ZCCHC7: variants seen among roughly 807,000 people sequenced by gnomAD.
ZCCHC7 encodes the protein zinc finger CCHC domain-containing protein 7.
In ZCCHC7, 35 loss-of-function variants were observed where a neutral mutation model predicts 52.0. That is an observed-to-expected ratio of 0.67 (90% CI 0.51 to 0.89). The LOEUF (loss-of-function observed/expected upper bound fraction) is 0.89. ZCCHC7 is among the 40% of genes least tolerant of loss of function. ZCCHC7 has a pLI of 0.00. For missense variants in ZCCHC7, 574 were observed against 649.1 expected (o/e 0.88, Z 1.26); for synonymous variants, 217 against 221.5 (o/e 0.98, Z 0.18).
intron 2 of ZCCHC7, among the ~76,000 whole-genome samples, chr9:37,200,117 C>T (rs181972422): frequency 6.6e-6 from 1 of 152,210 alleles, no homozygotes; most frequent in Non-Finnish European, 1.5e-5. Flanking sequence ...TTCTTTTATT[C>T]TTCCTATTCT....
chr9:37,188,154 AT>A (rs1822764328), intron 2 of ZCCHC7, among the ~76,000 whole-genome samples: 1 of 151,452 alleles, frequency 6.6e-6, no homozygotes, highest in Non-Finnish European at 1.5e-5. Context: ...TTTTATTTTT[AT>A]TTTTTTGTTT....
At chr9:37,162,284 G>GA (rs1382829103) in intron 2 of ZCCHC7, among the ~76,000 whole-genome samples, 1 of 151,952 alleles carries the variant, frequency 6.6e-6, no homozygotes, top group African/African-American at 2.4e-5. Flanking sequence ...CAGTTTCATA[G>GA]GTTTTAAGAT....
rs766844150 is a variant in ZCCHC7 at position 37,302,191 on chromosome 9, A to G, written c.614A>G (p.Glu205Gly). ...TAATAATTTATTTGTTTTGTAGGAG[A>G]AGATGGTATAAACTGGTCCATCAGT... The part of the protein sequence containing the change: ...VGCENSVTEG[E>G]DGINWSISDK... The change falls in exon 3 of 9, where the codon GAA becomes GGA. Residue 205 changes from glutamate to glycine, a missense_variant. Transcript: ENST00000336755. 1 of 1,607,790 alleles carries G rather than the reference A, an allele frequency of 6.2e-7. No individual in the cohort carries two copies.
At chr9:37,278,890 A>T (rs960413646) in intron 2 of ZCCHC7, among the ~76,000 whole-genome samples, 1 of 152,304 alleles carries the variant, frequency 6.6e-6, no homozygotes, top group African/African-American at 2.4e-5. Context: ...TTAGATTTTA[A>T]AAGTGAGAAA....
At chr9:37,206,403 G>T (rs1214807195) in intron 2 of ZCCHC7, among the ~76,000 whole-genome samples, 1 of 151,764 alleles carries the variant, frequency 6.6e-6, no homozygotes, top group Non-Finnish European at 1.5e-5. Flanking sequence ...TGTTGCCCAG[G>T]CTGGAGTGTG....
At chr9:37,226,822 A>C (rs1394238572) in intron 2 of ZCCHC7, among the ~76,000 whole-genome samples, 1 of 152,142 alleles carries the variant, frequency 6.6e-6, no homozygotes, top group Admixed American at 6.6e-5. Context: ...CGAGCTCAGG[A>C]GATCGAGACC....
intron 3 of ZCCHC7, among the ~76,000 whole-genome samples, chr9:37,302,509 G>A (rs750781744): frequency 3.3e-5 from 5 of 152,076 alleles, no homozygotes; most frequent in Admixed American, 6.5e-5. Flanking sequence ...GATCAACACC[G>A]GAAATAACTG....
intron 2 of ZCCHC7, among the ~76,000 whole-genome samples, chr9:37,271,047 T>C (rs1827385744): frequency 6.6e-6 from 1 of 152,160 alleles, no homozygotes; most frequent in South Asian, 2.1e-4. Context: ...AAAGGAATAG[T>C]TTGAACACCA....
intron 2 of ZCCHC7, chr9:37,284,042 C>T (rs1003606746): frequency 6.6e-6 from 1 of 151,814 alleles, no homozygotes; most frequent in African/African-American, 2.4e-5. Context: ...ATCAGCAGTT[C>T]GAGAAGGAAA....
At chr9:37,125,157 G>A (rs1210928847) in intron 1 of ZCCHC7, among the ~76,000 whole-genome samples, 1 of 151,442 alleles carries the variant, frequency 6.6e-6, no homozygotes, top group Non-Finnish European at 1.5e-5. Flanking sequence ...GCCCACCCTT[G>A]TTTTATTTTT....
chr9:37,239,355 A>G (rs142170440), intron 2 of ZCCHC7, among the ~76,000 whole-genome samples: 1 of 152,128 alleles, frequency 6.6e-6, no homozygotes, highest in Non-Finnish European at 1.5e-5. Context: ...TTGGTATTAG[A>G]TTCTTATTAC....
intron 5 of ZCCHC7, among the ~76,000 whole-genome samples, chr9:37,321,459 T>G (rs1474076927): frequency 2.0e-5 from 3 of 152,128 alleles, no homozygotes; most frequent in Admixed American, 2.0e-4. Flanking sequence ...AGTTCTAAAC[T>G]TTCACTTTAA....
intron 2 of ZCCHC7, among the ~76,000 whole-genome samples, chr9:37,210,442 TA>T (rs1824156217): frequency 6.6e-6 from 1 of 152,212 alleles, no homozygotes; most frequent in African/African-American, 2.4e-5. Flanking sequence ...CATCCTATCT[TA>T]TATTACTGAT....
chr9:37,272,902 A>G (rs542096357), intron 2 of ZCCHC7, among the ~76,000 whole-genome samples: 2 of 152,288 alleles, frequency 1.3e-5, no homozygotes, highest in East Asian at 1.9e-4. Context: ...CCACCAATGT[A>G]TTCGTTCTCT....
chr9:37,352,867 C>T (rs575821939), intron 7 of ZCCHC7, among the ~76,000 whole-genome samples: 6 of 151,936 alleles, frequency 3.9e-5, no homozygotes, highest in African/African-American at 1.2e-4. Context: ...GCCATATAAC[C>T]TCTAGGACCC....
intron 5 of ZCCHC7, among the ~76,000 whole-genome samples, chr9:37,310,510 A>G (rs990496098): frequency 4.6e-5 from 7 of 152,200 alleles, no homozygotes; most frequent in African/African-American, 1.7e-4. Context: ...TAAGCAGGAT[A>G]TGAAGTGTAG....
intron 6 of ZCCHC7, among the ~76,000 whole-genome samples, chr9:37,347,346 C>G (rs1482800485): frequency 2.0e-5 from 3 of 152,188 alleles, no homozygotes; most frequent in Non-Finnish European, 4.4e-5. Context: ...TAACTTCTCT[C>G]TCCTACAACT....
intron 5 of ZCCHC7, among the ~76,000 whole-genome samples, chr9:37,324,768 G>C (rs1378401367): frequency 6.6e-6 from 1 of 152,182 alleles, no homozygotes; most frequent in Non-Finnish European, 1.5e-5. Flanking sequence ...TCTAGTACAA[G>C]GCAGACAACT....
chr9:37,314,712 G>C (rs1028940607), intron 5 of ZCCHC7, among the ~76,000 whole-genome samples: 5 of 142,982 alleles, frequency 3.5e-5, no homozygotes, highest in Non-Finnish European at 1.5e-5. Context: ...AGGAGTTCAA[G>C]TCCAACCTGG....
Sources: allele counts gnomAD v4.1 joint callset (sites outside exome capture counted in the v4.1 genomes callset), GRCh38; gene constraint gnomAD v4.1.1; transcripts MANE v1.5; gene names NCBI Gene and HGNC (gene_info 2026-07-23, HGNC 2026-07-21).